NIPSNAP2: variants seen among roughly 807,000 people sequenced by gnomAD.
NIPSNAP2 encodes nipsnap homolog 2.
A neutral mutation model predicts 48.4 loss-of-function variants in NIPSNAP2; 42 were observed. The ratio of observed to expected loss-of-function variants is 0.87; its 90% CI spans 0.68 to 1.12. The LOEUF is 1.12. Among genes scored for constraint, NIPSNAP2 ranks in the 50% most tolerant of loss-of-function variants. NIPSNAP2 has a pLI of 0.00. For missense variants in NIPSNAP2, 314 were observed against 347.3 expected (o/e 0.90, Z 0.76); for synonymous variants, 158 against 126.6 (o/e 1.25, Z -1.67).
intron 8 of NIPSNAP2, among the ~76,000 whole-genome samples, chr7:55,996,033 A>T (rs1787555873): frequency 6.6e-6 from 1 of 152,194 alleles, no homozygotes; most frequent in South Asian, 2.1e-4. Flanking sequence ...CACGCCTATA[A>T]TCCCAGCACT....
At chr7:55,993,927 GAAAA>G (rs56908796) in intron 7 of NIPSNAP2, among the ~76,000 whole-genome samples, 9 of 139,102 alleles carry the variant, frequency 6.5e-5, no homozygotes, top group Non-Finnish European at 9.4e-5. Context: ...TAGTAGGAAA[GAAAA>G]AAAAAAAAAG....
chr7:55,999,002 T>G lies in NIPSNAP2; in HGVS notation c.797-6T>G. 1 of 1,613,456 alleles carries G rather than the reference T, an allele frequency of 6.2e-7. No individual in the cohort carries two copies. The highest frequency in any genetic ancestry group is 8.5e-7 in the Non-Finnish European group (1 of 1,179,382). On this transcript the variant is annotated splice_region_variant and splice_polypyrimidine_tract_variant and intron_variant, in intron 9 of 9. Coordinates refer to ENST00000322090, the MANE Select transcript of NIPSNAP2 (RefSeq NM_001483.3). The stretch of plus-strand genomic sequence containing the variant: ...ACAAGTGCAGTAACCCTGATCTTGT[T>G]TTCAGTTCCACTTATTCAGGAAATG...
At chr7:55,982,349 T>C in intron 5 of NIPSNAP2, 69 bp downstream of exon 5, 2 of 947,626 alleles carry the variant, frequency 2.1e-6, no homozygotes, top group Non-Finnish European at 3.2e-6. Flanking sequence ...TAAATGACTT[T>C]TCTGTCTTCA....
chr7:55,995,744 C>T (rs1443442303), intron 8 of NIPSNAP2, among the ~76,000 whole-genome samples: 1 of 152,200 alleles, frequency 6.6e-6, no homozygotes, highest in Non-Finnish European at 1.5e-5. Context: ...CTCCCAGATG[C>T]AGGATCCTGG....
At chr7:55,966,803 AT>A (rs1365125190) in intron 1 of NIPSNAP2, among the ~76,000 whole-genome samples, 1 of 152,168 alleles carries the variant, frequency 6.6e-6, no homozygotes, top group Non-Finnish European at 1.5e-5. Context: ...AAACAAAAAA[AT>A]ATAGGAATGT....
rs147119302 is a variant in NIPSNAP2, at chr7:55,984,864, A to G, written c.603A>G (p.Glu201=). The G allele has an allele frequency of 2.5e-6, 4 of 1,610,934 alleles. No homozygotes were observed. The African/African-American group carries it at 4.0e-5, about 16-fold the overall frequency. ...GTTTTCAGCCAGGAACCATGATTGA[A>G]TGGGGCAATTACTGGTGAGTATATT... is the stretch of plus-strand genomic sequence containing the variant. The part of the protein sequence containing the change: ...SYQLRPGTMI[E]WGNYWARAIR... The change falls in exon 7 of 10, where the codon GAA becomes GAG. Residue 201 remains glutamate, a synonymous_variant. Coordinates refer to ENST00000322090, the MANE Select transcript of NIPSNAP2 (RefSeq NM_001483.3).
intron 7 of NIPSNAP2, among the ~76,000 whole-genome samples, chr7:55,990,519 C>T (rs1240179736): frequency 6.6e-6 from 1 of 152,144 alleles, no homozygotes; most frequent in Non-Finnish European, 1.5e-5. Flanking sequence ...GCATGAGCCA[C>T]CGTGCCTAGC....
In NIPSNAP2 at chr7:55,988,632, G is replaced by A. The variant is rs564185212; in HGVS notation, c.617+3754G>A. Among the ~76,000 whole-genome samples, 8 of 152,246 alleles carry A rather than the reference G, an allele frequency of 5.3e-5. No individual in the cohort carries two copies. In the East Asian group the frequency reaches 9.7e-4, roughly 18 times the overall value. On this transcript the variant is annotated intron_variant, in intron 7 of 9. Coordinates refer to ENST00000322090, the MANE Select transcript of NIPSNAP2 (RefSeq NM_001483.3). ...CCCAGCACTTAACGAGGCTGAGGGC[G>A]CGGATCACCTGAGGTCAAGAATTCG...
intron 1 of NIPSNAP2, among the ~76,000 whole-genome samples, chr7:55,970,547 G>T (rs1350221398): frequency 6.6e-6 from 1 of 151,976 alleles, no homozygotes; most frequent in Non-Finnish European, 1.5e-5. Context: ...CCTGACCCCA[G>T]ATGATCCGCC....
intron 1 of NIPSNAP2, among the ~76,000 whole-genome samples, chr7:55,973,269 G>A (rs1787047658): frequency 6.6e-6 from 1 of 152,058 alleles, no homozygotes; most frequent in South Asian, 2.1e-4. Flanking sequence ...CAAATTGGAA[G>A]CATCTTCAAC....
At chr7:55,978,566 A>T in intron 3 of NIPSNAP2, 171 bp downstream of exon 3, 1 of 624,166 alleles carries the variant, frequency 1.6e-6, no homozygotes, top group South Asian at 2.1e-5. Flanking sequence ...AGGCGTTTTG[A>T]TTTTAAGCAC....
At chr7:55,972,370 C>G (rs542668847) in intron 1 of NIPSNAP2, among the ~76,000 whole-genome samples, 1 of 150,956 alleles carries the variant, frequency 6.6e-6, no homozygotes, top group South Asian at 2.1e-4. Flanking sequence ...AAACTTTCTA[C>G]TTTGTGTATC....
chr7:55,994,848 C>T (rs370313960), intron 7 of NIPSNAP2, 46 bp from the exon 8 acceptor site: 202 of 1,484,300 alleles, frequency 1.4e-4, no homozygotes, highest in Non-Finnish European at 1.8e-4. Flanking sequence ...TTCTCGTTAG[C>T]GTATCTAATT....
intron 8 of NIPSNAP2, 108 bp downstream of exon 8, chr7:55,995,096 T>C: frequency 1.1e-6 from 1 of 885,450 alleles, no homozygotes; most frequent in Middle Eastern, 2.6e-4. Context: ...CTACAGCAAA[T>C]CCGACGTCAC....
intron 3 of NIPSNAP2, chr7:55,979,179 A>C (rs895563251): frequency 2.6e-5 from 4 of 152,262 alleles, no homozygotes; most frequent in African/African-American, 9.6e-5. Flanking sequence ...AGCTTATGAA[A>C]TGTAACAATA....
At chr7:55,983,297 G>A (rs950935516) in intron 5 of NIPSNAP2, among the ~76,000 whole-genome samples, 1 of 152,130 alleles carries the variant, frequency 6.6e-6, no homozygotes, top group Non-Finnish European at 1.5e-5. Context: ...ACTAGCAGGT[G>A]TTTGTCAATA....
chr7:55,993,597 G>A (rs1420081069), intron 7 of NIPSNAP2, among the ~76,000 whole-genome samples: 2 of 144,486 alleles, frequency 1.4e-5, no homozygotes, highest in African/African-American at 2.6e-5. Flanking sequence ...AAAAAAAGCC[G>A]AGCGTGATGT....
chr7:55,971,915 T>C (rs538814313), intron 1 of NIPSNAP2, among the ~76,000 whole-genome samples: 7 of 152,326 alleles, frequency 4.6e-5, no homozygotes, highest in Admixed American at 4.6e-4. Context: ...ATCCCTTTCT[T>C]AATTGTTCAT....
chr7:55,997,710 T>C (rs1562770545), intron 9 of NIPSNAP2, among the ~76,000 whole-genome samples: 1 of 152,206 alleles, frequency 6.6e-6, no homozygotes, highest in Non-Finnish European at 1.5e-5. Context: ...TTTTACATCA[T>C]TACCTGTTTT....
Sources: gnomAD v4.1 joint callset for allele counts (sites outside exome capture counted in the v4.1 genomes callset) on GRCh38, gnomAD v4.1.1 for gene constraint, MANE v1.5 for transcripts, NCBI Gene and HGNC (gene_info 2026-07-23, HGNC 2026-07-21) for gene names.